Variants in KCNH1 observed in about 807,000 individuals in gnomAD.
KCNH1 encodes potassium voltage-gated channel subfamily H member 1, also known as voltage-gated delayed rectifier potassium channel KCNH1.
A neutral mutation model predicts 69.2 loss-of-function variants in KCNH1; 27 were observed. The observed-to-expected ratio is 0.39, with a 90% CI of 0.29 to 0.54. The LOEUF (loss-of-function observed/expected upper bound fraction) is 0.54. Among genes scored for constraint, KCNH1 ranks in the 20% least tolerant of loss-of-function variants. The pLI is 0.68. For missense variants in KCNH1, 798 were observed against 1,261.6 expected (o/e 0.63, Z 5.57); for synonymous variants, 456 against 487.7 (o/e 0.93, Z 0.86).
intron 3 of KCNH1, among the ~76,000 whole-genome samples, chr1:211,091,278 T>C (rs978997367): frequency 2.6e-5 from 4 of 152,058 alleles, no homozygotes; most frequent in Admixed American, 2.0e-4. Flanking sequence ...GCCTCCTGAG[T>C]GCAAGTGATT....
chr1:210,928,832 C>A (rs931625125), intron 6 of KCNH1, among the ~76,000 whole-genome samples: 29 of 152,048 alleles, frequency 1.9e-4, no homozygotes, highest in Non-Finnish European at 1.5e-5. Flanking sequence ...AACTCAATTA[C>A]AAACGAAACG....
chr1:210,867,280 T>G (rs1308990924), intron 7 of KCNH1, among the ~76,000 whole-genome samples: 1 of 151,574 alleles, frequency 6.6e-6, no homozygotes, highest in Non-Finnish European at 1.5e-5. Flanking sequence ...GAGTTTTATT[T>G]CAATATTTAT....
At position 211,018,973 on chromosome 1, in the gene KCNH1, A is replaced by T; in HGVS notation, c.842T>A (p.Ile281Asn). Residue 281 changes from isoleucine (I) to asparagine (N), a missense_variant, in exon 6 of 11, where the codon ATT becomes AAT. Transcript: ENST00000271751. ...CATGCGGATAAGTTTGGGGTCAGAA[A>T]TCACCTCCCCTGCTGGTCCAACAAA... is the stretch of plus-strand genomic sequence containing the variant. Reference protein sequence around the residue: ...TTFVGPAGEVISDPKLIRMNY... With the variant: ...TTFVGPAGEVNSDPKLIRMNY... The T allele has an allele frequency of 6.2e-7, 1 of 1,614,040 alleles. No homozygotes were observed. The highest frequency in any genetic ancestry group is 8.5e-7 in the Non-Finnish European group (1 of 1,179,984).
rs1683424585 is a variant in KCNH1, at chr1:210,757,508, G to C, written c.2112+17840C>G. Among the ~76,000 whole-genome samples, 6 of 152,166 alleles carry C rather than the reference G, an allele frequency of 3.9e-5. 1 individual carries two copies. In the South Asian group the frequency reaches 1.2e-3, roughly 32 times the overall value. Reference sequence around the variant, plus strand: ...TCCTTTAAGGCTTCTTCCCAGCCCAGCTTTGGCCATATTCTAAGCCACTCC... The same window carrying C: ...TCCTTTAAGGCTTCTTCCCAGCCCACCTTTGGCCATATTCTAAGCCACTCC... On this transcript the variant is annotated intron_variant, in intron 10 of 10. Coordinates refer to ENST00000271751, the MANE Select transcript of KCNH1 (RefSeq NM_172362.3).
At chr1:210,806,742 G>A (rs1217227314) in intron 7 of KCNH1, among the ~76,000 whole-genome samples, 1 of 145,602 alleles carries the variant, frequency 6.9e-6, no homozygotes, top group African/African-American at 2.6e-5. Context: ...GACCGAGGCA[G>A]GCGGATCACC....
chr1:211,130,345 G>A (rs79889306), intron 1 of KCNH1, among the ~76,000 whole-genome samples: 7,639 of 152,150 alleles, frequency 0.05, 264 homozygotes, highest in Non-Finnish European at 0.075. Flanking sequence ...GTTAAAAGTC[G>A]GTTTTAGTAC....
chr1:210,994,914 T>C (rs180691861), intron 6 of KCNH1, among the ~76,000 whole-genome samples: 73 of 152,334 alleles, frequency 4.8e-4, no homozygotes, highest in Non-Finnish European at 8.8e-4. Context: ...AATGATGATA[T>C]GCCAGATTCA....
chr1:210,701,243 A>AT, intron 10 of KCNH1, among the ~76,000 whole-genome samples: 1 of 151,794 alleles, frequency 6.6e-6, no homozygotes. Context: ...GGCCCTTTTT[A>AT]TTTTTTTGGT....
intron 5 of KCNH1, among the ~76,000 whole-genome samples, chr1:211,031,209 T>G (rs1304540484): frequency 2.6e-5 from 4 of 152,172 alleles, no homozygotes; most frequent in Admixed American, 6.5e-5. Context: ...GTTGAATCTC[T>G]GAACAGACCA....
At chr1:211,089,251 T>C (rs1036919158) in intron 4 of KCNH1, among the ~76,000 whole-genome samples, 8 of 152,220 alleles carry the variant, frequency 5.3e-5, no homozygotes, top group South Asian at 2.1e-4. Context: ...TACTTAATCA[T>C]GAGTGAACCT....
intron 7 of KCNH1, among the ~76,000 whole-genome samples, chr1:210,897,470 G>A (rs1466336429): frequency 3.3e-5 from 5 of 152,160 alleles, no homozygotes; most frequent in Admixed American, 6.5e-5. Context: ...CATCTGCATG[G>A]GTAGGGAAAG....
At chr1:211,046,668 T>C (rs571683294) in intron 5 of KCNH1, among the ~76,000 whole-genome samples, 1 of 152,214 alleles carries the variant, frequency 6.6e-6, no homozygotes, top group East Asian at 1.9e-4. Context: ...CCAGGGTCCA[T>C]GCTTTAAACC....
At chr1:210,846,873 T>C (rs1308087566) in intron 7 of KCNH1, among the ~76,000 whole-genome samples, 7 of 152,122 alleles carry the variant, frequency 4.6e-5, no homozygotes, top group East Asian at 1.9e-4. Flanking sequence ...TGAACTCAAA[T>C]AAATTTACAA....
intron 3 of KCNH1, among the ~76,000 whole-genome samples, chr1:211,091,079 C>A (rs1323360518): frequency 2.6e-5 from 4 of 152,232 alleles, no homozygotes; most frequent in African/African-American, 9.6e-5. Flanking sequence ...CCATGGCCAG[C>A]AGTCCATGCC....
intron 9 of KCNH1, among the ~76,000 whole-genome samples, chr1:210,776,036 G>A (rs1343353120): frequency 6.6e-6 from 1 of 152,182 alleles, no homozygotes; most frequent in South Asian, 2.1e-4. Flanking sequence ...GTAGACTGTG[G>A]TGGGTCTATA....
chr1:210,694,179 G>GA (rs1018008631), intron 10 of KCNH1, among the ~76,000 whole-genome samples: 8 of 152,026 alleles, frequency 5.3e-5, no homozygotes, highest in African/African-American at 1.9e-4. Context: ...CCCCTAGAAT[G>GA]AAGACCATGC....
chr1:211,005,931 C>T (rs1558564830), intron 6 of KCNH1, among the ~76,000 whole-genome samples: 2 of 152,184 alleles, frequency 1.3e-5, no homozygotes, highest in Admixed American at 6.5e-5. Context: ...AAGGAGACCG[C>T]ACAAGCACTT....
intron 6 of KCNH1, 127 bp from the exon 7 acceptor site, chr1:210,920,196 T>TA: frequency 2.7e-6 from 2 of 733,602 alleles, no homozygotes; most frequent in African/African-American, 1.8e-5. Flanking sequence ...ATGCAACCCT[T>TA]AAAAAAAGTA....
In KCNH1 at chr1:210,834,170, T is replaced by C. The variant is rs1361797622; in HGVS notation, c.1463-30004A>G. Among the ~76,000 whole-genome samples the C allele has an allele frequency of 5.0e-3, 765 of 151,762 alleles. 6 individuals are homozygous for C. The highest frequency in any genetic ancestry group is 7.8e-3 in the Non-Finnish European group (530 of 67,806). On this transcript the variant is annotated intron_variant, in intron 7 of 10. Coordinates refer to ENST00000271751, the MANE Select transcript of KCNH1 (RefSeq NM_172362.3). Reference sequence around the variant, plus strand: ...GAACTAGAAATACCATTTGACCCAGTCATCCCATTACTGGGTATATACCCA... The same window carrying C: ...GAACTAGAAATACCATTTGACCCAGCCATCCCATTACTGGGTATATACCCA...
Sources: gnomAD v4.1 joint callset for allele counts (sites outside exome capture counted in the v4.1 genomes callset) on GRCh38, gnomAD v4.1.1 for gene constraint, MANE v1.5 for transcripts, NCBI Gene and HGNC (gene_info 2026-07-23, HGNC 2026-07-21) for gene names.